LCLAT1: variants seen among roughly 807,000 people sequenced by gnomAD.
LCLAT1 encodes the protein 1-AGP acyltransferase 8.
In LCLAT1, 11 loss-of-function variants were observed where a neutral mutation model predicts 30.7. That is an observed-to-expected ratio of 0.36 (90% CI 0.23 to 0.59). The LOEUF (loss-of-function observed/expected upper bound fraction) is 0.59. LCLAT1 is among the 20% of genes least tolerant of loss of function. The probability of loss-of-function intolerance (pLI) is 0.77; values close to 1 mark genes in which losing one functional copy is unlikely to be tolerated. For synonymous variants in LCLAT1, 155 were observed against 151.3 expected (o/e 1.02, Z -0.18); for missense variants, 402 against 458.6 (o/e 0.88, Z 1.13).
chr2:30,560,283 GGTGTGTGTGTGTGTGTGTGT>G (rs57326977), intron 3 of LCLAT1, among the ~76,000 whole-genome samples: 152 of 144,582 alleles, frequency 1.1e-3, no homozygotes, highest in African/African-American at 3.5e-3. Flanking sequence ...AATAAAGTGT[GGTGTGTGTGTGTGTGTGTGT>G]GTGTGTGTGT....
intron 5 of LCLAT1, among the ~76,000 whole-genome samples, chr2:30,569,209 C>T (rs1375846360): frequency 1.3e-5 from 2 of 152,012 alleles, no homozygotes; most frequent in Non-Finnish European, 2.9e-5. Flanking sequence ...TATTCAGGGG[C>T]ATATATGAGC....
intron 5 of LCLAT1, among the ~76,000 whole-genome samples, chr2:30,594,326 A>G (rs1167141902): frequency 6.6e-6 from 1 of 152,178 alleles, no homozygotes; most frequent in Non-Finnish European, 1.5e-5. Flanking sequence ...AACGTATAGC[A>G]AAGTTCAAAG....
At chr2:30,528,919 T>G (rs921546550) in intron 2 of LCLAT1, among the ~76,000 whole-genome samples, 1 of 152,210 alleles carries the variant, frequency 6.6e-6, no homozygotes, top group Non-Finnish European at 1.5e-5. Flanking sequence ...AGTTTTGAGA[T>G]AGTGAACATC....
chr2:30,567,963 A>C, intron 4 of LCLAT1, 97 bp from the exon 5 acceptor site: 1 of 643,836 alleles, frequency 1.6e-6, no homozygotes, highest in Non-Finnish European at 2.8e-6. Flanking sequence ...AGAATAATTA[A>C]CAGCTATTTT....
intron 1 of LCLAT1, among the ~76,000 whole-genome samples, chr2:30,475,252 G>T (rs1277200776): frequency 1.6e-4 from 24 of 152,062 alleles, no homozygotes. Context: ...TTCTGTCTCA[G>T]ACTCCCACAG....
intron 2 of LCLAT1, among the ~76,000 whole-genome samples, chr2:30,531,866 G>C (rs1685999968): frequency 6.6e-6 from 1 of 152,124 alleles, no homozygotes. Context: ...ATACCGAAAA[G>C]TTATTAAAAC....
chr2:30,571,380 A>G (rs1039897324), intron 5 of LCLAT1, among the ~76,000 whole-genome samples: 10 of 152,350 alleles, frequency 6.6e-5, no homozygotes, highest in African/African-American at 9.6e-5. Flanking sequence ...TTTGTCTACA[A>G]TAGTTCTCAT....
intron 1 of LCLAT1, among the ~76,000 whole-genome samples, chr2:30,523,680 C>G (rs565424805): frequency 7.9e-5 from 12 of 152,266 alleles, no homozygotes; most frequent in African/African-American, 2.9e-4. Flanking sequence ...CCACCCTGGC[C>G]AACATGGTGA....
chr2:30,608,267 C>T lies in LCLAT1; in HGVS notation c.629-31850C>T, dbSNP rs979598814. On this transcript the variant is annotated intron_variant, in intron 5 of 5. Coordinates refer to ENST00000379509, the MANE Select transcript of LCLAT1 (RefSeq NM_001002257.3). ...ACCTGGGAGGCGGATGTTGCTTGCA[C>T]TCCAGCCTGGGTGACAGAGTGAGAC... 2.0e-5 allele frequency among the ~76,000 whole-genome samples: 3 copies of T among 150,476 alleles called. No individual in the cohort carries two copies. In the East Asian group the frequency reaches 5.9e-4, roughly 29 times the overall value.
intron 5 of LCLAT1, 78 bp downstream of exon 5, chr2:30,568,254 T>C: frequency 1.6e-6 from 1 of 625,026 alleles, no homozygotes; most frequent in Non-Finnish European, 2.8e-6. Context: ...CCTTTAGAGT[T>C]TGTAAAGGAT....
chr2:30,524,116 G>A (rs965853992), intron 1 of LCLAT1, among the ~76,000 whole-genome samples: 2 of 151,988 alleles, frequency 1.3e-5, no homozygotes, highest in Non-Finnish European at 2.9e-5. Flanking sequence ...TTTATTCTGA[G>A]GCAAAACACA....
At chr2:30,585,770 G>A (rs1266294426) in intron 5 of LCLAT1, among the ~76,000 whole-genome samples, 1 of 152,098 alleles carries the variant, frequency 6.6e-6, no homozygotes, top group East Asian at 1.9e-4. Context: ...GCTCTTGGGT[G>A]GCACACAGTC....
intron 3 of LCLAT1, among the ~76,000 whole-genome samples, chr2:30,544,448 T>C (rs1441042738): frequency 6.6e-6 from 1 of 152,224 alleles, no homozygotes; most frequent in Non-Finnish European, 1.5e-5. Flanking sequence ...GAATCATCCC[T>C]GAGTCTTTCT....
At chr2:30,585,966 G>A (rs1044859633) in intron 5 of LCLAT1, among the ~76,000 whole-genome samples, 9 of 152,136 alleles carry the variant, frequency 5.9e-5, no homozygotes, top group African/African-American at 2.2e-4. Flanking sequence ...AAAACAGTAG[G>A]AATGGCCGGG....
At chr2:30,521,965 T>TG (rs1685500059) in intron 1 of LCLAT1, among the ~76,000 whole-genome samples, 1 of 152,234 alleles carries the variant, frequency 6.6e-6, no homozygotes, top group Non-Finnish European at 1.5e-5. Flanking sequence ...TCATATCTTT[T>TG]GAGTCTGGCC....
At chr2:30,470,285 G>A (rs1005480439) in intron 1 of LCLAT1, among the ~76,000 whole-genome samples, 2 of 152,120 alleles carry the variant, frequency 1.3e-5, no homozygotes, top group Non-Finnish European at 2.9e-5. Context: ...ATGACCACTG[G>A]CTAGTGACTC....
At chr2:30,559,871 A>G (rs944140621) in intron 3 of LCLAT1, among the ~76,000 whole-genome samples, 1 of 152,180 alleles carries the variant, frequency 6.6e-6, no homozygotes, top group South Asian at 2.1e-4. Context: ...AATATTCTTG[A>G]TATTATTGTA....
At chr2:30,611,879 G>GGGC (rs1335374299) in intron 5 of LCLAT1, among the ~76,000 whole-genome samples, 5 of 152,294 alleles carry the variant, frequency 3.3e-5, no homozygotes, top group Non-Finnish European at 7.4e-5. Flanking sequence ...GAGTAGAAAT[G>GGGC]GGCGTATCAT....
At chr2:30,584,507 A>G (rs1441589012) in intron 5 of LCLAT1, among the ~76,000 whole-genome samples, 2 of 152,204 alleles carry the variant, frequency 1.3e-5, no homozygotes, top group African/African-American at 4.8e-5. Flanking sequence ...GGGTTAAAGA[A>G]TATCACTGCT....
Sources: gnomAD v4.1 joint callset for allele counts (sites outside exome capture counted in the v4.1 genomes callset) on GRCh38, gnomAD v4.1.1 for gene constraint, MANE v1.5 for transcripts, NCBI Gene and HGNC (gene_info 2026-07-23, HGNC 2026-07-21) for gene names.